Variants in ATXN2 observed in about 807,000 individuals in gnomAD.
The protein encoded by ATXN2 is ataxin 2, also known as ataxin-2.
Under a neutral mutation model 138.6 loss-of-function variants are expected in ATXN2, and 37 were observed. The ratio of observed to expected loss-of-function variants is 0.27; its 90% CI spans 0.21 to 0.35. ATXN2 has a LOEUF of 0.35. ATXN2 is among the 10% of genes least tolerant of loss of function. The pLI, the probability that ATXN2 is intolerant of heterozygous loss-of-function variation, is 1.00. For missense variants in ATXN2, 1,216 were observed against 1,480.3 expected, an observed-to-expected ratio of 0.82 and a Z score of 2.93; for synonymous variants, 549 against 543.7, an observed-to-expected ratio of 1.01 and a Z score of -0.13.
At chr12:111,488,839 G>T in intron 14 of ATXN2, 59 bp from the exon 15 acceptor site, 1 of 1,393,960 alleles carries the variant, frequency 7.2e-7, no homozygotes, top group Non-Finnish European at 9.7e-7. Context: ...ATACATTTTT[G>T]CCATGAGCAC....
chr12:111,472,145 T>C (rs1876461976), intron 18 of ATXN2, among the ~76,000 whole-genome samples: 2 of 152,216 alleles, frequency 1.3e-5, no homozygotes, highest in South Asian at 4.1e-4. Flanking sequence ...TGTGCATCTA[T>C]GGTCCCAGCT....
At chr12:111,551,657 T>C (rs1882127189) in intron 5 of ATXN2, among the ~76,000 whole-genome samples, 1 of 152,224 alleles carries the variant, frequency 6.6e-6, no homozygotes, top group African/African-American at 2.4e-5. Context: ...TAAAGCATTG[T>C]AGGCCAAATG....
chr12:111,518,341 T>G lies in ATXN2; in HGVS notation c.1073A>C (p.Gln358Pro). The G allele has an allele frequency of 6.2e-7, 1 of 1,613,728 alleles. No homozygotes were observed. Among genetic ancestry groups the G allele is most frequent in the Non-Finnish European group, 8.5e-7 (1 of 1,179,676 alleles). ...SGRQNSPRMGQPGSGSMPSRS... is the reference protein window; with the variant it reads ...SGRQNSPRMGPPGSGSMPSRS... The stretch of plus-strand genomic sequence containing the variant: ...TGATGGCATGGAGCCCGATCCAGGC[T>G]GGCCCATACGCGGTGAATTCTGTCT... Residue 358 changes from glutamine to proline, a missense_variant, in exon 9 of 25, where the codon CAG becomes CCG. Coordinates refer to ENST00000673436, the MANE Select transcript of ATXN2 (RefSeq NM_001372574.1).
At chr12:111,479,627 C>T (rs1304725748) in intron 18 of ATXN2, among the ~76,000 whole-genome samples, 1 of 152,084 alleles carries the variant, frequency 6.6e-6, no homozygotes, top group Non-Finnish European at 1.5e-5. Flanking sequence ...AAATTATATA[C>T]CAAGCTTGTC....
At chr12:111,543,854 T>C (rs939776658) in intron 5 of ATXN2, among the ~76,000 whole-genome samples, 37 of 152,220 alleles carry the variant, frequency 2.4e-4, no homozygotes, top group Admixed American at 1.2e-3. Context: ...AGGTAGAGGA[T>C]TGCTTGAACC....
At chr12:111,513,637 T>A in intron 10 of ATXN2, 98 bp from the exon 11 acceptor site, 6 of 937,742 alleles carry the variant, frequency 6.4e-6, no homozygotes, top group South Asian at 2.6e-5. Context: ...GCACACACAC[T>A]CACTCACTCT....
chr12:111,595,439 C>G (rs923059629), intron 1 of ATXN2, among the ~76,000 whole-genome samples: 1 of 150,896 alleles, frequency 6.6e-6, no homozygotes, highest in African/African-American at 2.4e-5. Flanking sequence ...GTCGGTAGTA[C>G]GAGACCAAAC....
At chr12:111,459,654 G>A (rs996262694) in intron 21 of ATXN2, among the ~76,000 whole-genome samples, 1 of 152,060 alleles carries the variant, frequency 6.6e-6, no homozygotes, top group Non-Finnish European at 1.5e-5. Context: ...TGGCCAGGCT[G>A]GTCTCGAACT....
chr12:111,544,037 A>G (rs1467711355), intron 5 of ATXN2, among the ~76,000 whole-genome samples: 2 of 152,084 alleles, frequency 1.3e-5, no homozygotes, highest in Non-Finnish European at 2.9e-5. Flanking sequence ...TGATCACACC[A>G]CTGCATTCCA....
rs35316415 is a variant in ATXN2 at position 111,596,205 on chromosome 12, AACACAC to A, written c.251+2573_251+2578del. On this transcript the variant is annotated intron_variant, in intron 1 of 24. Transcript: ENST00000673436. The stretch of plus-strand genomic sequence containing the variant: ...GGCGACAGAGTGAGATTCCATCCAA[AACACAC>A]ACACACACACACACACACACACACA... Among the ~76,000 whole-genome samples the A allele has an allele frequency of 8.0e-3, 1,132 of 141,786 alleles. 6 individuals carry two copies. Among genetic ancestry groups the A allele is most frequent in the South Asian group, 0.017 (73 of 4,336 alleles). 93.0% of individuals were successfully genotyped at this position (141,786 alleles called of 152,430 possible).
intron 5 of ATXN2, among the ~76,000 whole-genome samples, chr12:111,537,857 AG>A (rs1881279490): frequency 6.6e-6 from 1 of 151,988 alleles, no homozygotes; most frequent in Non-Finnish European, 1.5e-5. Flanking sequence ...GCACTTTGGG[AG>A]GCTGGGGCAG....
At chr12:111,535,803 A>G (rs1802045265) in intron 5 of ATXN2, among the ~76,000 whole-genome samples, 1 of 151,760 alleles carries the variant, frequency 6.6e-6, no homozygotes, top group African/African-American at 2.4e-5. Flanking sequence ...GATCGAGACC[A>G]TCCCGGCTAA....
chr12:111,458,736 G>A (rs1251101133), intron 21 of ATXN2, among the ~76,000 whole-genome samples: 2 of 152,230 alleles, frequency 1.3e-5, no homozygotes, highest in Admixed American at 6.5e-5. Context: ...GGTGAGAGAA[G>A]CAAGCACAGC....
At chr12:111,509,797 G>A (rs1879393843) in intron 13 of ATXN2, 94 bp downstream of exon 13, 8 of 1,072,324 alleles carry the variant, frequency 7.5e-6, no homozygotes, top group South Asian at 1.4e-5. Flanking sequence ...ATAGTAAGAA[G>A]AAATGTTGAA....
chr12:111,517,484 T>C lies in ATXN2; in HGVS notation c.1165+765A>G, dbSNP rs186238459. On this transcript the variant is annotated intron_variant, in intron 9 of 24. Coordinates refer to ENST00000673436, the MANE Select transcript of ATXN2 (RefSeq NM_001372574.1). The stretch of plus-strand genomic sequence containing the variant: ...AAATTTAAATAGCTAAAATTGAATG[T>C]CCACTCTTTTCCCACAAAGTTAGTA... 1.1e-4 allele frequency among the ~76,000 whole-genome samples: 16 copies of C among 152,304 alleles called. No homozygotes were observed. The East Asian group carries it at 2.9e-3, about 28-fold the overall frequency.
chr12:111,488,514 T>C lies in ATXN2; in HGVS notation c.2202A>G (p.Gln734=). 1 of 1,614,034 alleles carries C rather than the reference T, an allele frequency of 6.2e-7. No homozygotes were observed. The change falls in exon 15 of 25, where the codon CAA becomes CAG. Residue 734 remains glutamine (Q), a synonymous_variant. Coordinates refer to ENST00000673436, the MANE Select transcript of ATXN2 (RefSeq NM_001372574.1). The part of the protein sequence containing the change: ...GVQTSSPACK[Q]EKDDKEEKKD... ...TCTTCTCTTCCTTATCGTCTTTCTC[T>C]TGTTTACATGCTGGGCTGGAAGTCT...
At chr12:111,593,422 A>G (rs1172617971) in intron 1 of ATXN2, among the ~76,000 whole-genome samples, 1 of 152,072 alleles carries the variant, frequency 6.6e-6, no homozygotes, top group Non-Finnish European at 1.5e-5. Context: ...GTCAAAATAT[A>G]TGGCTATTAA....
chr12:111,470,485 G>A, intron 19 of ATXN2, 73 bp downstream of exon 19: 1 of 1,532,080 alleles, frequency 6.5e-7, no homozygotes, highest in African/African-American at 1.4e-5. Flanking sequence ...AATTATAAAG[G>A]AAAATCCCTT....
chr12:111,563,964 A>C (rs1272312427), intron 1 of ATXN2, among the ~76,000 whole-genome samples: 2 of 152,120 alleles, frequency 1.3e-5, no homozygotes, highest in Non-Finnish European at 2.9e-5. Context: ...CAGGACCATC[A>C]CCTGACCATA....
Sources: gnomAD v4.1 joint callset for allele counts (sites outside exome capture counted in the v4.1 genomes callset) on GRCh38, gnomAD v4.1.1 for gene constraint, MANE v1.5 for transcripts, NCBI Gene and HGNC (gene_info 2026-07-23, HGNC 2026-07-21) for gene names.